The following BCAS3 variants were observed in gnomAD, a reference collection of about 807,000 sequenced individuals.
The protein encoded by BCAS3 is BCAS3 microtubule associated cell migration factor.
BCAS3 carries 53 observed loss-of-function variants against 116.1 expected under a neutral mutation model. That is an observed-to-expected ratio of 0.46 (90% CI 0.37 to 0.57). The LOEUF is 0.57. Among genes scored for constraint, BCAS3 ranks in the 20% least tolerant of loss-of-function variants. The pLI is 0.00. For synonymous variants in BCAS3, 391 were observed against 408.2 expected (o/e 0.96, Z 0.51); for missense variants, 917 against 1,165.4 (o/e 0.79, Z 3.10).
chr17:61,359,816 A>G (rs147853989), intron 22 of BCAS3, among the ~76,000 whole-genome samples: 257 of 152,126 alleles, frequency 1.7e-3, no homozygotes, highest in Middle Eastern at 3.4e-3. Context: ...AAAGGATTAA[A>G]GGCTACCCTG....
rs1365183595 is a variant in BCAS3 at position 61,349,030 on chromosome 17, G to A, written c.2426-19297G>A. 2.0e-5 allele frequency among the ~76,000 whole-genome samples: 3 copies of A among 151,808 alleles called. No individual in the cohort carries two copies. Among genetic ancestry groups the A allele is most frequent in the Non-Finnish European group, 2.9e-5 (2 of 67,962 alleles). ...GCCTCCCAAAGTGCTGGGATTACAG[G>A]CGTGAGCCACCGTGCCCGGCCCTCT... On this transcript the variant is annotated intron_variant, in intron 22 of 23. Coordinates refer to ENST00000407086, the MANE Select transcript of BCAS3 (RefSeq NM_017679.5). The surrounding 1 kb of genome is among the most constrained non-coding windows in gnomAD (Gnocchi z 4.7).
intron 23 of BCAS3, among the ~76,000 whole-genome samples, chr17:61,370,538 G>A (rs544106956): frequency 8.5e-5 from 13 of 152,158 alleles, no homozygotes; most frequent in Admixed American, 2.0e-4. Context: ...ACAGGCGCCC[G>A]CTACCACGCC....
At position 61,210,962 on chromosome 17, in the gene BCAS3, A is replaced by G. The variant is rs569135606; in HGVS notation, c.2425+126398A>G. Among the ~76,000 whole-genome samples the G allele has an allele frequency of 8.8e-4, 134 of 152,188 alleles. 1 individual carries two copies. Among genetic ancestry groups the G allele is most frequent in the African/African-American group, 2.8e-3 (117 of 41,504 alleles). ...TCTGAAAAGAGTCTATCACCAATCT[A>G]TCTGAGGTCAGCTTAATCCATACCC... On this transcript the variant is annotated intron_variant, in intron 22 of 23. Coordinates refer to ENST00000407086, the MANE Select transcript of BCAS3 (RefSeq NM_017679.5).
chr17:61,250,635 C>G (rs961827557), intron 22 of BCAS3, among the ~76,000 whole-genome samples: 1 of 152,164 alleles, frequency 6.6e-6, no homozygotes, highest in Non-Finnish European at 1.5e-5. Flanking sequence ...CACAGTCTCC[C>G]GTTTTCGGAC....
chr17:61,330,836 C>T (rs909418276), intron 22 of BCAS3, among the ~76,000 whole-genome samples: 2 of 152,236 alleles, frequency 1.3e-5, no homozygotes, highest in Non-Finnish European at 2.9e-5. Context: ...CCCTGGGCTT[C>T]AGTTTCCTCA....
rs771889147 is a variant in BCAS3 at position 61,023,029 on chromosome 17, C to T, written c.1637+7128C>T. On this transcript the variant is annotated intron_variant, in intron 16 of 23. Transcript: ENST00000407086. This position sits in a 1 kb window ranked among gnomAD's most constrained non-coding sequence, Gnocchi z 4.8. ...ACTTGTCTGTTTTAGCTTCAGTTTC[C>T]CCTACAGATCAATAGTTTACTACCA... Among the ~76,000 whole-genome samples the T allele has an allele frequency of 1.3e-5, 2 of 152,126 alleles. No individual in the cohort carries two copies. The highest frequency in any genetic ancestry group is 2.9e-5 in the Non-Finnish European group (2 of 68,022).
rs949451853 is a variant in BCAS3 at position 61,118,178 on chromosome 17, G to A, written c.2425+33614G>A. Among the ~76,000 whole-genome samples, 4 of 152,146 alleles carry A rather than the reference G, an allele frequency of 2.6e-5. No individual in the cohort carries two copies. The highest frequency in any genetic ancestry group is 4.4e-5 in the Non-Finnish European group (3 of 68,032). On this transcript the variant is annotated intron_variant, in intron 22 of 23. Transcript: ENST00000407086. The surrounding 1 kb of genome is among the most constrained non-coding windows in gnomAD (Gnocchi z 5.0). ...GGTATCACAATGGCAGGGGAAGTAGGATGTTCTACCTCGTTTCTGCCAGGT... is the reference window on the plus strand; with the variant it reads ...GGTATCACAATGGCAGGGGAAGTAGAATGTTCTACCTCGTTTCTGCCAGGT...
intron 22 of BCAS3, among the ~76,000 whole-genome samples, chr17:61,260,379 G>T (rs1455277357): frequency 1.3e-5 from 2 of 152,136 alleles, no homozygotes; most frequent in African/African-American, 2.4e-5. Flanking sequence ...TCATTTTAAG[G>T]TCATCTGTTT....
chr17:61,100,600 T>C (rs1311489692), intron 22 of BCAS3, among the ~76,000 whole-genome samples: 2 of 152,202 alleles, frequency 1.3e-5, no homozygotes, highest in Non-Finnish European at 1.5e-5. Flanking sequence ...TATGAGCTCA[T>C]CTTTGTACTC....
In BCAS3 at chr17:61,026,887, G is replaced by A; in HGVS notation, c.1638-7779G>A. The A allele has an allele frequency of 1.2e-6, 2 of 1,602,038 alleles. No individual in the cohort carries two copies. The highest frequency in any genetic ancestry group is 2.7e-5 in the African/African-American group (2 of 74,746). ...GAAGGCCTTATCTCTTTGGAGCGGG[G>A]TGTTTTTCCATAAAAGCCCCATGGT... On this transcript the variant is annotated intron_variant, in intron 16 of 23. Transcript: ENST00000407086. The surrounding 1 kb of genome is among the most constrained non-coding windows in gnomAD (Gnocchi z 5.0).
Position 60,709,268 on chromosome 17 carries a change from A to C in BCAS3, c.264A>C (p.Glu88Asp). 14 of 1,602,412 alleles carry C rather than the reference A, an allele frequency of 8.7e-6. No individual in the cohort carries two copies. Among genetic ancestry groups the C allele is most frequent in the Non-Finnish European group, 1.1e-5 (13 of 1,169,284 alleles). Residue 88 changes from glutamate to aspartate, a missense_variant, in exon 5 of 24, where the codon GAA becomes GAC. Glu to Asp is a conservative substitution (Grantham distance 45). This residue lies in a region of BCAS3 where 807 missense variants were observed against 1,026.0 expected (regional missense o/e 0.79). Transcript: ENST00000407086. ...EFHEIHSTGN[E>D]PPLLIMIGYS... ...ATGAAATACATAGTACTGGGAATGA[A>C]CCGCCTTTGTTGATTATGATTGGCT...
intron 4 of BCAS3, among the ~76,000 whole-genome samples, chr17:60,703,971 T>C (rs942540467): frequency 2.7e-5 from 4 of 149,140 alleles, no homozygotes; most frequent in African/African-American, 7.5e-5. Flanking sequence ...TAGACTCTAA[T>C]ATGATTTGAG....
intron 6 of BCAS3, among the ~76,000 whole-genome samples, chr17:60,792,184 G>T (rs2046830933): frequency 6.6e-6 from 1 of 152,192 alleles, no homozygotes. Context: ...GTTGGGAGGT[G>T]GTGATGGCAG....
intron 22 of BCAS3, among the ~76,000 whole-genome samples, chr17:61,255,870 TG>T (rs1487297369): frequency 2.1e-4 from 32 of 152,196 alleles, no homozygotes; most frequent in African/African-American, 7.0e-4. Context: ...AAGAAGTGGC[TG>T]GGGCTGGACT....
rs35764675 is a variant in BCAS3, at chr17:61,173,449, CA to C, written c.2425+88898del. On this transcript the variant is annotated intron_variant, in intron 22 of 23. Coordinates refer to ENST00000407086, the MANE Select transcript of BCAS3 (RefSeq NM_017679.5). ...GGGTGACAAAGCAAGACTCTGTCTCCAAAAAAAAAAAAATTGTTTTGAACTA... is the reference window on the plus strand; with the variant it reads ...GGGTGACAAAGCAAGACTCTGTCTCCAAAAAAAAAAAATTGTTTTGAACTA... Among the ~76,000 whole-genome samples the C allele has an allele frequency of 1.2e-3, 160 of 138,292 alleles. 1 individual carries two copies. The highest frequency in any genetic ancestry group is 4.1e-3 in the African/African-American group (141 of 34,452). 90.7% of individuals were successfully genotyped at this position (138,292 alleles called of 152,430 possible).
At chr17:61,299,422 GA>G (rs1476542469) in intron 22 of BCAS3, among the ~76,000 whole-genome samples, 1 of 122,332 alleles carries the variant, frequency 8.2e-6, no homozygotes, top group Non-Finnish European at 1.6e-5. Context: ...CAGCCTGGGT[GA>G]CAGAGCGAGA....
rs1579769 is a variant in BCAS3, at chr17:60,964,448, G to A, written c.1221+17096G>A. 0.01 allele frequency among the ~76,000 whole-genome samples: 1,554 copies of A among 152,126 alleles called. 35 individuals carry two copies. Among genetic ancestry groups the A allele is most frequent in the African/African-American group, 0.036 (1,494 of 41,494 alleles). On this transcript the variant is annotated intron_variant, in intron 14 of 23. Transcript: ENST00000407086. This position sits in a 1 kb window ranked among gnomAD's most constrained non-coding sequence, Gnocchi z 4.6. ...GAATTCTGTTTGCTAGTATTTTGTT[G>A]AGGATTTTCACATATATGTTCATCA...
intron 10 of BCAS3, among the ~76,000 whole-genome samples, chr17:60,890,500 C>A (rs2057072411): frequency 1.3e-5 from 2 of 151,884 alleles, no homozygotes; most frequent in South Asian, 4.2e-4. Context: ...TAACTATATG[C>A]TAACAACTAT....
At chr17:60,872,602 C>A (rs1232431531) in intron 8 of BCAS3, among the ~76,000 whole-genome samples, 2 of 150,158 alleles carry the variant, frequency 1.3e-5, no homozygotes, top group Admixed American at 1.3e-4. Flanking sequence ...TGGACACACA[C>A]CCCATATCTA....
Sources: allele counts gnomAD v4.1 joint callset (sites outside exome capture counted in the v4.1 genomes callset), GRCh38; gene constraint gnomAD v4.1.1; regional missense constraint gnomAD v4.1.1; non-coding constraint Gnocchi (gnomAD v3.1); transcripts MANE v1.5; gene names NCBI Gene and HGNC (gene_info 2026-07-23, HGNC 2026-07-21).